The following TRAF1 variants were observed in gnomAD, a reference collection of about 807,000 sequenced individuals.
The protein encoded by TRAF1 is TNF receptor-associated factor 1.
A neutral mutation model predicts 40.9 loss-of-function variants in TRAF1; 23 were observed. The ratio of observed to expected loss-of-function variants is 0.56; its 90% CI spans 0.40 to 0.80. TRAF1 has a LOEUF of 0.80. TRAF1 is among the 30% of genes least tolerant of loss of function. The pLI, the probability that TRAF1 is intolerant of heterozygous loss-of-function variation, is 0.00. For missense variants in TRAF1, 477 were observed against 528.7 expected, an observed-to-expected ratio of 0.90 and a Z score of 0.96; for synonymous variants, 206 against 218.8, an observed-to-expected ratio of 0.94 and a Z score of 0.52.
intron 7 of TRAF1, among the ~76,000 whole-genome samples, chr9:120,905,613 C>A (rs540763664): frequency 6.6e-6 from 1 of 152,190 alleles, no homozygotes; most frequent in South Asian, 2.1e-4. Flanking sequence ...TGTAACACCC[C>A]CTCTGGCTTG....
At chr9:120,923,335 CACAGCCTCGAGAATT>C (rs2046616949) in intron 3 of TRAF1, among the ~76,000 whole-genome samples, 1 of 152,204 alleles carries the variant, frequency 6.6e-6, no homozygotes. Context: ...AGAGTGGCCT[CACAGCCTCGAGAATT>C]ACAGGTCATT....
intron 3 of TRAF1, among the ~76,000 whole-genome samples, chr9:120,922,232 G>A (rs992184677): frequency 1.3e-5 from 2 of 152,220 alleles, no homozygotes; most frequent in Non-Finnish European, 2.9e-5. Flanking sequence ...GTTTGGATTC[G>A]TGGACCAATA....
At chr9:120,905,386 CAAGT>C in intron 7 of TRAF1, 148 bp from the exon 8 acceptor site, 1 of 906,590 alleles carries the variant, frequency 1.1e-6, no homozygotes, top group South Asian at 1.7e-5. Context: ...TCAGAGAAAC[CAAGT>C]AAGGAGCGCA....
intron 7 of TRAF1, among the ~76,000 whole-genome samples, chr9:120,906,575 C>T (rs571628521): frequency 6.9e-4 from 105 of 152,232 alleles, no homozygotes; most frequent in Non-Finnish European, 1.3e-3. Context: ...CTGCCCCCAC[C>T]CAGTACACAA....
chr9:120,903,637 GA>G lies in TRAF1; in HGVS notation c.*1382del, dbSNP rs2046456697. On this transcript the variant is annotated 3_prime_UTR_variant, in exon 8 of 8. Transcript: ENST00000373887. ...GTCCTGACTTGTCTCAGGGTCTTTG[GA>G]AAGTTGGGTGTGGCCTCCAAGGTGA... The G allele has an allele frequency of 6.6e-6, 1 of 152,426 alleles. No homozygotes were observed. The highest frequency in any genetic ancestry group is 1.5e-5 in the Non-Finnish European group (1 of 68,212). 9.4% of individuals were successfully genotyped at this position (152,426 alleles called of 1,614,324 possible).
intron 2 of TRAF1, among the ~76,000 whole-genome samples, chr9:120,924,033 C>T (rs2046622114): frequency 6.6e-6 from 1 of 152,192 alleles, no homozygotes; most frequent in African/African-American, 2.4e-5. Context: ...CTATTATAGC[C>T]CTTACTTGCC....
At chr9:120,925,865 C>A (rs1171431916) in intron 2 of TRAF1, 71 bp downstream of exon 2, 39 of 1,603,152 alleles carry the variant, frequency 2.4e-5, no homozygotes. Flanking sequence ...CTCCTCTGCC[C>A]CTCACCTCCC....
rs1182334157 is a variant in TRAF1, at chr9:120,911,466, GC to G, written c.752del (p.Gly251AlafsTer61). ...TGAGGCGCAAGCTCTGCTCCAGCTT[GC>G]CCAGGGCCTGGTCTTTCTGGGCCAG... ...QTLAQKDQAL[G>X]KLEQSLRLME... On this transcript the variant is annotated frameshift_variant, in exon 6 of 8. Transcript: ENST00000373887. LOFTEE classifies it high-confidence loss of function. 6.2e-7 allele frequency: 1 copy of G among 1,613,168 alleles called. No homozygotes were observed. Among genetic ancestry groups the G allele is most frequent in the African/African-American group, 1.3e-5 (1 of 74,938 alleles).
At chr9:120,912,864 G>A (rs1020421963) in intron 5 of TRAF1, among the ~76,000 whole-genome samples, 2 of 152,168 alleles carry the variant, frequency 1.3e-5, no homozygotes, top group East Asian at 1.9e-4. Context: ...ACGTGAAGGC[G>A]CTGGGGCTTT....
At position 120,904,591 on chromosome 9, in the gene TRAF1, C is replaced by G. The variant is rs1394933614; in HGVS notation, c.*429G>C. ...CCTTCCACCCGGTCCTGTTTCTGAC[C>G]CTGGAGAAAAAGAGAGCAGGCCTGT... On this transcript the variant is annotated 3_prime_UTR_variant, in exon 8 of 8. Transcript: ENST00000373887. The G allele has an allele frequency of 5.3e-6, 1 of 188,246 alleles. No individual in the cohort carries two copies. The highest frequency in any genetic ancestry group is 2.4e-5 in the African/African-American group (1 of 42,468). The allele number at this position is 188,246 out of a possible 1,614,324, so 11.7% of individuals were successfully genotyped here. A position where few individuals can be genotyped will look rare whatever the true frequency, so the allele number is the denominator to read the frequency against.
chr9:120,912,316 A>G (rs1432951967), intron 5 of TRAF1, among the ~76,000 whole-genome samples: 1 of 152,192 alleles, frequency 6.6e-6, no homozygotes, highest in Non-Finnish European at 1.5e-5. Context: ...ACAATGATGT[A>G]ATGTTACTGC....
In TRAF1 at chr9:120,905,105, G is replaced by T; in HGVS notation, c.1166C>A (p.Pro389His). Residue 389 changes from proline (P) to histidine (H), a missense_variant, in exon 8 of 8, where the codon CCC (proline) becomes CAC (histidine). Transcript: ENST00000373887. ...NVASGCPLFF[P>H]LSKLQSPKHA... ...CTTGGGTGACTGCAGTTTGCTGAGG[G>T]GGAAGAAGAGTGGGCATCCACTGGC... 1.9e-6 allele frequency: 3 copies of T among 1,614,274 alleles called. No individual in the cohort carries two copies. Among genetic ancestry groups the T allele is most frequent in the Non-Finnish European group, 2.5e-6 (3 of 1,180,054 alleles).
At chr9:120,906,476 G>C (rs1355834511) in intron 7 of TRAF1, among the ~76,000 whole-genome samples, 3 of 152,102 alleles carry the variant, frequency 2.0e-5, no homozygotes, top group Non-Finnish European at 4.4e-5. Flanking sequence ...ACCATACCCG[G>C]CAAAGAATTT....
rs2046642834 is a variant in TRAF1 at position 120,926,588 on chromosome 9, C to T, written c.-265G>A. 1 of 152,370 alleles carries T rather than the reference C, an allele frequency of 6.6e-6. No homozygotes were observed. Among genetic ancestry groups the T allele is most frequent in the African/African-American group, 2.4e-5 (1 of 41,402 alleles). The allele number at this position is 152,370 out of a possible 1,614,324, so 9.4% of individuals were successfully genotyped here. ...ATCCCCAGGGTGTTGGAGACAGGTC[C>T]AAAATTTCAAGTTCTAGGCGCTTTT... On this transcript the variant is annotated 5_prime_UTR_variant, in exon 1 of 8. Coordinates refer to ENST00000373887, the MANE Select transcript of TRAF1 (RefSeq NM_005658.5).
chr9:120,919,836 G>T (rs2046593574), intron 3 of TRAF1, among the ~76,000 whole-genome samples: 1 of 152,180 alleles, frequency 6.6e-6, no homozygotes, highest in African/African-American at 2.4e-5. Context: ...ATTTAAGCAG[G>T]TATGAAACAT....
chr9:120,905,191 G>A lies in TRAF1; in HGVS notation c.1080C>T (p.Asp360=), dbSNP rs767894014. 1.9e-5 allele frequency: 30 copies of A among 1,613,830 alleles called. No individual in the cohort carries two copies. The highest frequency in any genetic ancestry group is 1.8e-4 in the South Asian group (16 of 91,036). ...LDQNNREHAI[D]AFRPDLSSAS... ...CTGAGCTTAGGTCAGGCCGGAAGGC[G>A]TCAATGGCGTGCTCACGGTTGTTCT... is the stretch of plus-strand genomic sequence containing the variant. Residue 360 remains aspartate, a synonymous_variant, in exon 8 of 8, where the codon GAC becomes GAT. Transcript: ENST00000373887.
chr9:120,921,919 G>A (rs938961321), intron 3 of TRAF1, among the ~76,000 whole-genome samples: 5 of 152,184 alleles, frequency 3.3e-5, no homozygotes, highest in Non-Finnish European at 7.3e-5. Context: ...TGCTATCACG[G>A]TCTGGACATC....
intron 7 of TRAF1, 120 bp downstream of exon 7, chr9:120,909,110 C>T (rs1288190745): frequency 2.4e-6 from 3 of 1,274,802 alleles, no homozygotes; most frequent in Admixed American, 4.6e-5. Context: ...AAAAGGGAAA[C>T]TGATAACACA....
Position 120,909,314 on chromosome 9 carries a change from A to T in TRAF1, c.948T>A (p.Thr316=). The T allele has an allele frequency of 6.2e-7, 1 of 1,614,184 alleles. No individual in the cohort carries two copies. The highest frequency in any genetic ancestry group is 8.5e-7 in the Non-Finnish European group (1 of 1,180,034). The part of the protein sequence containing the change: ...CLRLYLNGDG[T]GKRTHLSLFI... ...AGAGCGACAGATGGGTTCTCTTTCC[A>T]GTGCCATCTCCATTCAGGTACAGCC... is the stretch of plus-strand genomic sequence containing the variant. Residue 316 remains threonine, a synonymous_variant, in exon 7 of 8, where the codon ACT becomes ACA. Transcript: ENST00000373887.
Sources: allele counts gnomAD v4.1 joint callset (sites outside exome capture counted in the v4.1 genomes callset), GRCh38; gene constraint gnomAD v4.1.1; transcripts MANE v1.5; gene names NCBI Gene and HGNC (gene_info 2026-07-23, HGNC 2026-07-21).